Variants in DCC observed in about 807,000 individuals in gnomAD.
The protein encoded by DCC is DCC netrin 1 receptor, also known as netrin receptor DCC.
DCC carries 58 observed loss-of-function variants against 172.5 expected under a neutral mutation model. That is an observed-to-expected ratio of 0.34 (90% confidence interval 0.27 to 0.42). DCC has a LOEUF of 0.42. Among genes scored for constraint, DCC ranks in the 10% least tolerant of loss-of-function variants. The probability of loss-of-function intolerance (pLI) is 1.00; values close to 1 mark genes in which losing one functional copy is unlikely to be tolerated. For synonymous variants in DCC, 709 were observed against 644.5 expected, an observed-to-expected ratio of 1.10 and a Z score of -1.52; for missense variants, 1,740 against 1,791.0, an observed-to-expected ratio of 0.97 and a Z score of 0.51.
rs149542725 is a variant in DCC, at chr18:52,514,303, G to T, written c.91+173425G>T. ...GGAATGTATTGAAAGATTCAGGATT[G>T]CTGCTTAGACATGGTTTTTTTTATT... On this transcript the variant is annotated intron_variant, in intron 1 of 28. Transcript: ENST00000442544. 2.6e-3 allele frequency among the ~76,000 whole-genome samples: 399 copies of T among 152,272 alleles called. 2 individuals carry two copies. The highest frequency in any genetic ancestry group is 9.2e-3 in the African/African-American group (384 of 41,558).
At chr18:53,351,831 T>A (rs1176106038) in intron 15 of DCC, among the ~76,000 whole-genome samples, 1 of 151,938 alleles carries the variant, frequency 6.6e-6, no homozygotes, top group Non-Finnish European at 1.5e-5. Flanking sequence ...TTCTAAGCAC[T>A]TCAGAAATAA....
intron 5 of DCC, among the ~76,000 whole-genome samples, chr18:52,929,791 C>CAT (rs2040275771): frequency 6.6e-6 from 1 of 150,494 alleles, no homozygotes. Flanking sequence ...CTAACATACA[C>CAT]ATAATCCAAA....
intron 12 of DCC, among the ~76,000 whole-genome samples, chr18:53,245,780 T>G (rs1208990044): frequency 6.6e-6 from 1 of 152,154 alleles, no homozygotes; most frequent in Non-Finnish European, 1.5e-5. Flanking sequence ...CTCAACAGTC[T>G]TAAGCAATAA....
chr18:52,845,858 G>C (rs1296885901), intron 2 of DCC, among the ~76,000 whole-genome samples: 1 of 152,190 alleles, frequency 6.6e-6, no homozygotes, highest in Non-Finnish European at 1.5e-5. Flanking sequence ...GCTACTGCTA[G>C]GTATTTACCT....
intron 12 of DCC, among the ~76,000 whole-genome samples, chr18:53,300,194 G>T (rs1228593064): frequency 6.6e-6 from 1 of 152,110 alleles, no homozygotes; most frequent in Non-Finnish European, 1.5e-5. Flanking sequence ...AGATTCTGTA[G>T]TTGCAAAGTT....
At chr18:52,914,824 CAG>C (rs2040017837) in intron 3 of DCC, among the ~76,000 whole-genome samples, 1 of 152,038 alleles carries the variant, frequency 6.6e-6, no homozygotes, top group Non-Finnish European at 1.5e-5. Context: ...AGGATGCAGA[CAG>C]AGCAAACTAG....
At chr18:53,010,336 TG>T (rs1335867594) in intron 5 of DCC, among the ~76,000 whole-genome samples, 59 of 151,868 alleles carry the variant, frequency 3.9e-4, no homozygotes, top group Admixed American at 1.8e-3. Flanking sequence ...TGTAATGCAT[TG>T]TTTTTTTTCT....
At chr18:53,089,595 C>T (rs868033103) in intron 7 of DCC, among the ~76,000 whole-genome samples, 1 of 109,990 alleles carries the variant, frequency 9.1e-6, no homozygotes, top group Non-Finnish European at 2.1e-5. Context: ...AACCAAAAAA[C>T]AAAAAACAAA....
At chr18:53,497,001 A>C (rs991430842) in intron 26 of DCC, among the ~76,000 whole-genome samples, 1 of 152,240 alleles carries the variant, frequency 6.6e-6, no homozygotes, top group African/African-American at 2.4e-5. Flanking sequence ...AGTGTTTAAA[A>C]TGTAATGTGC....
At chr18:53,416,278 C>T (rs769408474) in intron 21 of DCC, 122 bp downstream of exon 21, 28 of 768,694 alleles carry the variant, frequency 3.6e-5, no homozygotes, top group Non-Finnish European at 6.0e-5. Context: ...CAGACACTGG[C>T]GTGACGATTA....
intron 2 of DCC, among the ~76,000 whole-genome samples, chr18:52,833,273 C>CCAAA (rs2038648844): frequency 6.6e-6 from 1 of 152,084 alleles, no homozygotes; most frequent in Admixed American, 6.5e-5. Context: ...GTTCTCAAAC[C>CCAAA]CAAAGATCCT....
At chr18:52,840,839 G>A (rs973519480) in intron 2 of DCC, among the ~76,000 whole-genome samples, 1 of 152,084 alleles carries the variant, frequency 6.6e-6, no homozygotes, top group Admixed American at 6.6e-5. Flanking sequence ...CCAGGTGCAG[G>A]AAACACAGCA....
At chr18:52,970,103 A>T (rs1464894431) in intron 5 of DCC, among the ~76,000 whole-genome samples, 1 of 152,144 alleles carries the variant, frequency 6.6e-6, no homozygotes, top group Non-Finnish European at 1.5e-5. Context: ...ATTTAGATAC[A>T]TATAAATCTT....
chr18:53,403,341 G>A (rs939241360), intron 19 of DCC, among the ~76,000 whole-genome samples: 8 of 152,064 alleles, frequency 5.3e-5, no homozygotes, highest in Admixed American at 5.2e-4. Context: ...GGGATTTTTA[G>A]TTTCTCACTT....
intron 15 of DCC, among the ~76,000 whole-genome samples, chr18:53,354,454 T>C: frequency 6.6e-6 from 1 of 152,166 alleles, no homozygotes; most frequent in East Asian, 1.9e-4. Context: ...TGCTCGCCAT[T>C]CTAACTGGTG....
At chr18:52,413,288 T>C (rs924275772) in intron 1 of DCC, among the ~76,000 whole-genome samples, 1 of 151,136 alleles carries the variant, frequency 6.6e-6, no homozygotes, top group Non-Finnish European at 1.5e-5. Context: ...AGCCTAACTA[T>C]ACTAGATAGA....
At chr18:52,806,823 C>T (rs1352340197) in intron 2 of DCC, among the ~76,000 whole-genome samples, 1 of 152,136 alleles carries the variant, frequency 6.6e-6, no homozygotes, top group Non-Finnish European at 1.5e-5. Flanking sequence ...AAGTGAGCCA[C>T]CATCTTGGAT....
intron 9 of DCC, among the ~76,000 whole-genome samples, chr18:53,181,483 C>G (rs1414838381): frequency 1.4e-5 from 2 of 147,162 alleles, no homozygotes; most frequent in East Asian, 4.0e-4. Context: ...TTGACACTGG[C>G]TAAGAACACT....
Position 52,969,584 on chromosome 18 carries a change from A to ACTCTCTCTCTCT in DCC, c.985+44241_985+44252dup, listed in dbSNP as rs56024197. On this transcript the variant is annotated intron_variant, in intron 5 of 28. Transcript: ENST00000442544. ...AATTTCCTTATTTGCCCCGCCCCCCACTCTCTCTCTCTCTCTCTCTCTCTC... is the reference window on the plus strand; with the variant it reads ...AATTTCCTTATTTGCCCCGCCCCCCACTCTCTCTCTCTCTCTCTCTCTCTCTCTCTCTCTCTC... Among the ~76,000 whole-genome samples, 300 of 119,488 alleles carry ACTCTCTCTCTCT rather than the reference A, an allele frequency of 2.5e-3. 5 individuals carry two copies. The highest frequency in any genetic ancestry group is 7.5e-3 in the South Asian group (23 of 3,062). 78.4% of individuals were successfully genotyped at this position (119,488 alleles called of 152,430 possible).
Sources: gnomAD v4.1 joint callset for allele counts (sites outside exome capture counted in the v4.1 genomes callset) on GRCh38, gnomAD v4.1.1 for gene constraint, MANE v1.5 for transcripts, NCBI Gene and HGNC (gene_info 2026-07-23, HGNC 2026-07-21) for gene names.